KCNH7: variants seen among roughly 807,000 people sequenced by gnomAD.
The protein encoded by KCNH7 is potassium voltage-gated channel subfamily H member 7.
In KCNH7, 49 loss-of-function variants were observed where a neutral mutation model predicts 120.8. The observed-to-expected ratio is 0.41, with a 90% CI of 0.32 to 0.51. KCNH7 has a LOEUF of 0.51. Ranked by LOEUF, KCNH7 falls within the 20% of genes least tolerant of loss-of-function variation. The probability of loss-of-function intolerance (pLI) is 0.38; values close to 1 mark genes in which losing one functional copy is unlikely to be tolerated. For synonymous variants in KCNH7, 547 were observed against 516.1 expected, an observed-to-expected ratio of 1.06 and a Z score of -0.81; for missense variants, 1,097 against 1,446.6, an observed-to-expected ratio of 0.76 and a Z score of 3.92.
chr2:162,609,612 A>T (rs1322503673), intron 2 of KCNH7, among the ~76,000 whole-genome samples: 1 of 152,142 alleles, frequency 6.6e-6, no homozygotes, highest in African/African-American at 2.4e-5. Context: ...CAGAGGCAAG[A>T]TGAGTTAGTT....
At chr2:162,555,570 A>T (rs919992003) in intron 2 of KCNH7, among the ~76,000 whole-genome samples, 9 of 152,252 alleles carry the variant, frequency 5.9e-5, no homozygotes, top group Middle Eastern at 3.4e-3. Flanking sequence ...TTTAATTAGA[A>T]TTTTACCTGT....
At chr2:162,733,846 T>A (rs540975531) in intron 2 of KCNH7, among the ~76,000 whole-genome samples, 1 of 152,330 alleles carries the variant, frequency 6.6e-6, no homozygotes, top group African/African-American at 2.4e-5. Flanking sequence ...TAAAATGGTA[T>A]AAATATTTCC....
chr2:162,666,664 A>C lies in KCNH7; in HGVS notation c.308-129584T>G, dbSNP rs988113167. Reference sequence around the variant, plus strand: ...TCCTGTCTCTACCCTTTCCTCCTTAAAAAACAACTCCTTTAAAGCACCTTA... The same window carrying C: ...TCCTGTCTCTACCCTTTCCTCCTTACAAAACAACTCCTTTAAAGCACCTTA... On this transcript the variant is annotated intron_variant, in intron 2 of 15. Coordinates refer to ENST00000332142, the MANE Select transcript of KCNH7 (RefSeq NM_033272.4). 3.9e-5 allele frequency among the ~76,000 whole-genome samples: 6 copies of C among 152,168 alleles called. No homozygotes were observed. The East Asian group carries it at 1.2e-3, about 30-fold the overall frequency.
Position 162,644,455 on chromosome 2 carries a change from C to T in KCNH7, c.308-107375G>A, listed in dbSNP as rs1684280944. ...TCCCTTAGTTTCTATCACAACATAT[C>T]TACAATTCTTTCTGTCCAAAATGGT... On this transcript the variant is annotated intron_variant, in intron 2 of 15. Transcript: ENST00000332142. 3.9e-5 allele frequency among the ~76,000 whole-genome samples: 6 copies of T among 152,250 alleles called. No homozygotes were observed. In the South Asian group the frequency reaches 1.2e-3, roughly 32 times the overall value.
intron 2 of KCNH7, among the ~76,000 whole-genome samples, chr2:162,724,666 C>T (rs1382786335): frequency 1.7e-5 from 2 of 116,778 alleles, no homozygotes; most frequent in African/African-American, 9.4e-5. Flanking sequence ...AGCGAGACTC[C>T]GTCTCAAAAA....
intron 2 of KCNH7, among the ~76,000 whole-genome samples, chr2:162,647,440 C>G (rs1352041150): frequency 6.6e-6 from 1 of 152,150 alleles, no homozygotes; most frequent in Non-Finnish European, 1.5e-5. Flanking sequence ...GCCACATTTA[C>G]AGATTCTTTA....
intron 15 of KCNH7, among the ~76,000 whole-genome samples, chr2:162,373,046 C>T (rs976234734): frequency 2.0e-5 from 3 of 152,106 alleles, no homozygotes; most frequent in Non-Finnish European, 4.4e-5. Flanking sequence ...CTTCCTGAGA[C>T]CTCTCCCAGC....
chr2:162,443,953 C>T (rs1259467911), intron 7 of KCNH7, among the ~76,000 whole-genome samples: 2 of 152,192 alleles, frequency 1.3e-5, no homozygotes, highest in Non-Finnish European at 2.9e-5. Flanking sequence ...ACTAGTGTTT[C>T]CTTCTGTGTG....
At chr2:162,584,324 C>T (rs1001721824) in intron 2 of KCNH7, among the ~76,000 whole-genome samples, 14 of 152,104 alleles carry the variant, frequency 9.2e-5, no homozygotes, top group African/African-American at 2.6e-4. Flanking sequence ...TATTTTTATT[C>T]GCAGTTTCAA....
intron 4 of KCNH7, among the ~76,000 whole-genome samples, chr2:162,516,025 T>C (rs1691278981): frequency 6.6e-6 from 1 of 151,762 alleles, no homozygotes; most frequent in Non-Finnish European, 1.5e-5. Flanking sequence ...TATTTTCTGA[T>C]CTGCATGATT....
chr2:162,420,649 G>A (rs764842220), intron 9 of KCNH7, among the ~76,000 whole-genome samples: 17 of 152,034 alleles, frequency 1.1e-4, no homozygotes, highest in Non-Finnish European at 2.1e-4. Flanking sequence ...ACAATCGAAT[G>A]GTTTTGTTCG....
intron 2 of KCNH7, among the ~76,000 whole-genome samples, chr2:162,762,411 G>A (rs1266994043): frequency 6.6e-6 from 1 of 151,902 alleles, no homozygotes; most frequent in Non-Finnish European, 1.5e-5. Context: ...GAGGGTGAAT[G>A]AAGGAGATGT....
At chr2:162,415,624 C>A (rs1573931169) in intron 9 of KCNH7, among the ~76,000 whole-genome samples, 1 of 152,090 alleles carries the variant, frequency 6.6e-6, no homozygotes, top group East Asian at 1.9e-4. Context: ...GATATTTTTT[C>A]TCTTTAAGAA....
chr2:162,775,158 T>C (rs1683188442), intron 2 of KCNH7, among the ~76,000 whole-genome samples: 1 of 152,180 alleles, frequency 6.6e-6, no homozygotes, highest in Non-Finnish European at 1.5e-5. Flanking sequence ...GCCTTCTCTA[T>C]ATCAGGGAAT....
intron 2 of KCNH7, among the ~76,000 whole-genome samples, chr2:162,733,019 G>A (rs1687779354): frequency 6.6e-6 from 1 of 152,152 alleles, no homozygotes; most frequent in Admixed American, 6.5e-5. Flanking sequence ...GGCATATTTA[G>A]CAACAGTGGG....
At chr2:162,710,203 T>C (rs1686876093) in intron 2 of KCNH7, among the ~76,000 whole-genome samples, 1 of 152,162 alleles carries the variant, frequency 6.6e-6, no homozygotes, top group Non-Finnish European at 1.5e-5. Flanking sequence ...GAAAGCCAGT[T>C]GCTCAGAATT....
In KCNH7 at chr2:162,675,783, C is replaced by T. The variant is rs74929360; in HGVS notation, c.308-138703G>A. On this transcript the variant is annotated intron_variant, in intron 2 of 15. Transcript: ENST00000332142. ...ACTTAAGCTGAGTAGTGGATACTTG[C>T]GTATTTTCTGTAATTTACATATGAA... Among the ~76,000 whole-genome samples the T allele has an allele frequency of 8.2e-4, 124 of 151,370 alleles. 2 individuals carry two copies. The East Asian group carries it at 0.015, about 18-fold the overall frequency.
intron 6 of KCNH7, among the ~76,000 whole-genome samples, chr2:162,463,820 A>G (rs1415130293): frequency 2.0e-5 from 3 of 151,778 alleles, no homozygotes; most frequent in Non-Finnish European, 1.5e-5. Flanking sequence ...AGTAAAAAAA[A>G]AAAAAGCATT....
chr2:162,407,435 C>T (rs184039633), intron 9 of KCNH7, among the ~76,000 whole-genome samples: 1 of 152,092 alleles, frequency 6.6e-6, no homozygotes, highest in African/African-American at 2.4e-5. Context: ...TTATCCTGAT[C>T]CAAATTAAGT....
Sources: gnomAD v4.1 joint callset for allele counts (sites outside exome capture counted in the v4.1 genomes callset) on GRCh38, gnomAD v4.1.1 for gene constraint, MANE v1.5 for transcripts, NCBI Gene and HGNC (gene_info 2026-07-23, HGNC 2026-07-21) for gene names.